PIK3C2A: variants seen among roughly 807,000 people sequenced by gnomAD.
PIK3C2A encodes phosphatidylinositol 4-phosphate 3-kinase C2 domain-containing subunit alpha.
In PIK3C2A, 97 loss-of-function variants were observed where a neutral mutation model predicts 204.5. The ratio of observed to expected loss-of-function variants is 0.47; its 90% CI spans 0.40 to 0.56. PIK3C2A has a LOEUF of 0.56. Among genes scored for constraint, PIK3C2A ranks in the 20% least tolerant of loss-of-function variants. PIK3C2A has a pLI of 0.00. For synonymous variants in PIK3C2A, 653 were observed against 664.4 expected (o/e 0.98, Z 0.26); for missense variants, 1,735 against 1,969.2 (o/e 0.88, Z 2.25).
At position 17,129,462 on chromosome 11, in the gene PIK3C2A, A is replaced by C. The variant is rs1414735372; in HGVS notation, c.2237T>G (p.Ile746Ser). 1 of 1,592,940 alleles carries C rather than the reference A, an allele frequency of 6.3e-7. No homozygotes were observed. ...CAATTGTGATATCTGGATAGGAAAA[A>C]TGATTCTATGGGGGGAAAAATGTAT... ...FYLIKWDELI[I>S]FPIQISQLPL... The change falls in exon 13 of 33, where the codon ATT (isoleucine) becomes AGT (serine). Residue 746 changes from isoleucine (I) to serine (S), a missense_variant. By Grantham distance (142) the Ile-to-Ser change is moderately radical. Transcript: ENST00000691414.
intron 1 of PIK3C2A, chr11:17,194,171 C>T (rs190418166): frequency 8.8e-6 from 6 of 683,832 alleles, no homozygotes; most frequent in Non-Finnish European, 8.3e-6. Context: ...TGCTTGTGCC[C>T]GCATTGCCAA....
At chr11:17,187,235 A>G (rs1851782802) in intron 1 of PIK3C2A, among the ~76,000 whole-genome samples, 1 of 152,220 alleles carries the variant, frequency 6.6e-6, no homozygotes, top group Non-Finnish European at 1.5e-5. Context: ...TAGCACATGA[A>G]GACTGGTATC....
intron 8 of PIK3C2A, among the ~76,000 whole-genome samples, chr11:17,145,341 T>C (rs1057005106): frequency 1.3e-5 from 2 of 152,096 alleles, no homozygotes; most frequent in African/African-American, 2.4e-5. Context: ...AACTGAATCA[T>C]GGGGGTGGTT....
intron 8 of PIK3C2A, among the ~76,000 whole-genome samples, chr11:17,137,250 C>T (rs2137397131): frequency 6.6e-6 from 1 of 152,136 alleles, no homozygotes; most frequent in East Asian, 1.9e-4. Context: ...AATGAAACCA[C>T]CTAATTTTCT....
intron 1 of PIK3C2A, among the ~76,000 whole-genome samples, chr11:17,200,198 G>C (rs909568845): frequency 5.3e-5 from 8 of 150,490 alleles, no homozygotes; most frequent in African/African-American, 2.0e-4. Context: ...AAAAAAAAAA[G>C]GCATTAGAAA....
chr11:17,188,107 G>A (rs371880240), intron 1 of PIK3C2A, among the ~76,000 whole-genome samples: 216 of 152,246 alleles, frequency 1.4e-3, no homozygotes, highest in African/African-American at 4.9e-3. Context: ...GGAGGCCGAG[G>A]TGGGTGGATC....
Position 17,102,727 on chromosome 11 carries a change from T to C in PIK3C2A, c.3786A>G (p.Gly1262=), listed in dbSNP as rs1233299593. The change falls in exon 24 of 33, where the codon GGA becomes GGG. Residue 1262 remains glycine (G), a synonymous_variant. Transcript: ENST00000691414. ...HNDNIMLRST[G]HMFHIDFGKF... ...TTCCAAAGTCAATGTGAAACATGTG[T>C]CCCGTGCTTCGAAGCATTATATTGT... 1 of 1,613,876 alleles carries C rather than the reference T, an allele frequency of 6.2e-7. No homozygotes were observed. The highest frequency in any genetic ancestry group is 8.5e-7 in the Non-Finnish European group (1 of 1,179,814).
Position 17,190,685 on chromosome 11 carries a change from G to T in PIK3C2A, c.-66+17163C>A, listed in dbSNP as rs143750637. On this transcript the variant is annotated intron_variant, in intron 1 of 32. Transcript: ENST00000691414. ...GCATAGTAACAGGAACTACAGAAAA[G>T]AAATACTGGAAAGGAAAAATATATT... Among the ~76,000 whole-genome samples the T allele has an allele frequency of 7.1e-3, 1,077 of 151,940 alleles. 22 individuals are homozygous for T. The highest frequency in any genetic ancestry group is 0.025 in the African/African-American group (1,028 of 41,452).
In PIK3C2A at chr11:17,101,336, C is replaced by T; in HGVS notation, c.3950G>A (p.Cys1317Tyr). ...IRFQLFVDLC[C>Y]QAYNLIRKQT... The stretch of plus-strand genomic sequence containing the variant: ...CTTTCTTATCAAGTTGTAGGCCTGA[C>T]AGCAGAGGTCCACAAACAACTGAAA... The change falls in exon 25 of 33, where the codon TGT becomes TAT. Residue 1317 changes from cysteine to tyrosine, a missense_variant. Cys to Tyr is a radical substitution (Grantham distance 194). Transcript: ENST00000691414. 1 of 1,591,712 alleles carries T rather than the reference C, an allele frequency of 6.3e-7. No homozygotes were observed.
chr11:17,130,445 G>A (rs1202230743), intron 12 of PIK3C2A, among the ~76,000 whole-genome samples: 1 of 152,100 alleles, frequency 6.6e-6, no homozygotes, highest in African/African-American at 2.4e-5. Context: ...AATAAATGTG[G>A]AACGAATAGT....
intron 14 of PIK3C2A, 78 bp downstream of exon 14, chr11:17,122,624 C>T: frequency 1.4e-6 from 1 of 724,220 alleles, no homozygotes; most frequent in Non-Finnish European, 2.4e-6. Context: ...TTTAACAACC[C>T]AAATCATGGT....
rs1235085172 is a variant in PIK3C2A, at chr11:17,151,285, C to T, written c.1170-630G>A. On this transcript the variant is annotated intron_variant, in intron 3 of 32. Coordinates refer to ENST00000691414, the MANE Select transcript of PIK3C2A (RefSeq NM_002645.4). ...AAATACATGAATGTGGTGTATGGCT[C>T]ATCTCCAGCCAGCACTGCTGTTATC... Among the ~76,000 whole-genome samples the T allele has an allele frequency of 2.0e-5, 3 of 152,194 alleles. No homozygotes were observed. In the East Asian group the frequency reaches 5.8e-4, roughly 29 times the overall value.
intron 1 of PIK3C2A, among the ~76,000 whole-genome samples, chr11:17,171,219 G>T (rs1289034311): frequency 6.6e-6 from 1 of 152,146 alleles, no homozygotes; most frequent in Non-Finnish European, 1.5e-5. Flanking sequence ...CAAACTAAAT[G>T]AAATAATACA....
Position 17,169,742 on chromosome 11 carries a change from G to A in PIK3C2A, c.-1C>T. ...CGCTGTTGCTAGATATCTGAGCCATGTCCACTAAAAAGACCAAACCTTCCT... is the reference window on the plus strand; with the variant it reads ...CGCTGTTGCTAGATATCTGAGCCATATCCACTAAAAAGACCAAACCTTCCT... On this transcript the variant is annotated 5_prime_UTR_variant, in exon 2 of 33. Transcript: ENST00000691414. 6.3e-7 allele frequency: 1 copy of A among 1,583,998 alleles called. No homozygotes were observed. The highest frequency in any genetic ancestry group is 8.5e-7 in the Non-Finnish European group (1 of 1,172,002).
chr11:17,117,707 G>C (rs984897998), intron 18 of PIK3C2A, 36 bp from the exon 19 acceptor site: 1 of 526,566 alleles, frequency 1.9e-6, no homozygotes, highest in Non-Finnish European at 2.9e-6. Flanking sequence ...GTCACGTCTT[G>C]GTTTTTTTTT....
chr11:17,170,903 A>G (rs922012029), intron 1 of PIK3C2A, among the ~76,000 whole-genome samples: 28 of 152,132 alleles, frequency 1.8e-4, no homozygotes, highest in African/African-American at 6.8e-4. Context: ...GGAGATCGAG[A>G]CCATCCTGGC....
chr11:17,146,060 G>C lies in PIK3C2A; in HGVS notation c.1561-118C>G, dbSNP rs1215308280. 7 of 626,718 alleles carry C rather than the reference G, an allele frequency of 1.1e-5. No individual in the cohort carries two copies. In the Admixed American group the frequency reaches 2.2e-4, roughly 20 times the overall value. The allele number at this position is 626,718 out of a possible 1,614,324, so 38.8% of individuals were successfully genotyped here. On this transcript the variant is annotated intron_variant, in intron 6 of 32. Coordinates refer to ENST00000691414, the MANE Select transcript of PIK3C2A (RefSeq NM_002645.4). ...CAACTAAAGTGTTTTTCTGAGAACT[G>C]AAAATAAAATTCTATCAGAATTAAA...
intron 2 of PIK3C2A, among the ~76,000 whole-genome samples, chr11:17,157,254 G>C (rs1173681741): frequency 6.6e-6 from 1 of 152,130 alleles, no homozygotes; most frequent in Non-Finnish European, 1.5e-5. Flanking sequence ...GAGGTCAGGA[G>C]TTCAAGACCA....
chr11:17,099,636 T>TTC (rs1476744877), intron 26 of PIK3C2A, among the ~76,000 whole-genome samples: 1 of 150,964 alleles, frequency 6.6e-6, no homozygotes, highest in African/African-American at 2.4e-5. Context: ...AAATAAACCT[T>TTC]GAGATATTTT....
Sources: allele counts gnomAD v4.1 joint callset (sites outside exome capture counted in the v4.1 genomes callset), GRCh38; gene constraint gnomAD v4.1.1; transcripts MANE v1.5; gene names NCBI Gene and HGNC (gene_info 2026-07-23, HGNC 2026-07-21).